The following CHEK2 variants were observed in gnomAD, a reference collection of about 807,000 sequenced individuals.
The protein encoded by CHEK2 is checkpoint kinase 2.
CHEK2 carries 71 observed loss-of-function variants against 69.1 expected under a neutral mutation model. The ratio of observed to expected loss-of-function variants is 1.03; its 90% CI spans 0.85 to 1.25. CHEK2 has a LOEUF of 1.25. CHEK2 is among the 50% of genes most tolerant of loss of function. The probability of loss-of-function intolerance (pLI) is 0.00; values close to 1 mark genes in which losing one functional copy is unlikely to be tolerated. For synonymous variants in CHEK2, 189 were observed against 226.9 expected (o/e 0.83, Z 1.50); for missense variants, 664 against 649.6 (o/e 1.02, Z -0.24).
At chr22:28,696,117 T>C (rs1665602667) in intron 10 of CHEK2, among the ~76,000 whole-genome samples, 1 of 152,182 alleles carries the variant, frequency 6.6e-6, no homozygotes, top group South Asian at 2.1e-4. Flanking sequence ...CTATGTCCTC[T>C]GTAATCTTAC....
chr22:28,695,539 C>T (rs1029278610), intron 11 of CHEK2, among the ~76,000 whole-genome samples, 171 bp downstream of exon 11: 1 of 152,024 alleles, frequency 6.6e-6, no homozygotes, highest in African/African-American at 2.4e-5. Flanking sequence ...CATCTGTAGT[C>T]CCAGCTACTC....
intron 7 of CHEK2, among the ~76,000 whole-genome samples, chr22:28,707,376 C>T (rs2053191474): frequency 6.6e-6 from 1 of 152,140 alleles, no homozygotes; most frequent in Admixed American, 6.6e-5. Context: ...GCTGAGGAAA[C>T]GGGGGCTCCA....
intron 5 of CHEK2, among the ~76,000 whole-genome samples, chr22:28,717,720 CA>C (rs1245849227): frequency 6.6e-6 from 1 of 151,382 alleles, no homozygotes; most frequent in Non-Finnish European, 1.5e-5. Context: ...ACTAAAAATA[CA>C]AAAAAATTAG....
chr22:28,704,123 C>G (rs1601755259), intron 7 of CHEK2, among the ~76,000 whole-genome samples: 1 of 2,930 alleles, frequency 3.4e-4, no homozygotes, highest in African/African-American at 6.2e-4. Flanking sequence ...GACAGACAGA[C>G]ACACACACAC....
chr22:28,729,540 C>CAAAAAAAAAAAAAAAAAAAAAAAAAAAAA (rs58149342), intron 2 of CHEK2, among the ~76,000 whole-genome samples: 1 of 83,090 alleles, frequency 1.2e-5, no homozygotes, highest in Non-Finnish European at 2.2e-5. Context: ...GACTCCATCT[C>CAAAAAAAAAAAAAAAAAAAAAAAAAAAAA]AAAAAAAAAA....
intron 12 of CHEK2, 116 bp from the exon 13 acceptor site, chr22:28,694,233 G>A (rs1047323871): frequency 4.0e-6 from 3 of 753,682 alleles, no homozygotes; most frequent in African/African-American, 3.4e-5. Flanking sequence ...AGATCATCAC[G>A]GAGTCAGCAG....
chr22:28,689,336 T>C, intron 13 of CHEK2, 121 bp from the exon 14 acceptor site: 3 of 782,066 alleles, frequency 3.8e-6, no homozygotes, highest in African/African-American at 1.7e-5. Flanking sequence ...AATCATCCCC[T>C]TGATGAAGCT....
intron 1 of CHEK2, among the ~76,000 whole-genome samples, chr22:28,735,877 T>C (rs1358107529): frequency 6.6e-6 from 1 of 150,784 alleles, no homozygotes; most frequent in South Asian, 2.1e-4. Flanking sequence ...AGTGAAACCC[T>C]GTCTCAAAAA....
chr22:28,709,526 T>C (rs1026538214), intron 7 of CHEK2, among the ~76,000 whole-genome samples: 1 of 152,236 alleles, frequency 6.6e-6, no homozygotes, highest in African/African-American at 2.4e-5. Context: ...GGGGTAAAAC[T>C]CTTCCCAGCT....
chr22:28,712,791 T>C (rs1297480851), intron 5 of CHEK2, among the ~76,000 whole-genome samples: 1 of 152,238 alleles, frequency 6.6e-6, no homozygotes, highest in Non-Finnish European at 1.5e-5. Flanking sequence ...CCAAGACATC[T>C]TTTTTATTGT....
chr22:28,700,947 G>A (rs2052818504), intron 8 of CHEK2, among the ~76,000 whole-genome samples: 1 of 151,892 alleles, frequency 6.6e-6, no homozygotes, highest in Admixed American at 6.6e-5. Flanking sequence ...TCACCATCAT[G>A]CCCGGCTAAT....
chr22:28,739,455 G>A (rs780688106), intron 1 of CHEK2, among the ~76,000 whole-genome samples: 1 of 151,600 alleles, frequency 6.6e-6, no homozygotes, highest in Non-Finnish European at 1.5e-5. Flanking sequence ...TTTGGGAGGC[G>A]GAGGCGGGCA....
At position 28,725,362 on chromosome 22, in the gene CHEK2, C is replaced by T. The variant is rs1569159114; in HGVS notation, c.325G>A (p.Val109Met). ...LQDGFANLECVNDNYWFGRDK... is the reference protein window; with the variant it reads ...LQDGFANLECMNDNYWFGRDK... The stretch of plus-strand genomic sequence containing the variant: ...CTCCCAAACCAGTAGTTGTCATTCA[C>T]ACATTCTGTAATATAAAAGCATGCA... Residue 109 changes from valine to methionine, a missense_variant, in exon 3 of 15, where the codon GTG becomes ATG. By Grantham distance (21) the Val-to-Met change is conservative (BLOSUM62 1). Transcript: ENST00000404276. The T allele has an allele frequency of 6.2e-7, 1 of 1,613,968 alleles. No homozygotes were observed. The highest frequency in any genetic ancestry group is 1.1e-5 in the South Asian group (1 of 91,088).
intron 7 of CHEK2, among the ~76,000 whole-genome samples, chr22:28,709,250 A>G (rs192735298): frequency 6.6e-6 from 1 of 152,324 alleles, no homozygotes; most frequent in Admixed American, 6.5e-5. Flanking sequence ...TTAATCAGAT[A>G]TAAGGACAGG....
intron 4 of CHEK2, chr22:28,721,627 T>A (rs1443304928): frequency 2.2e-6 from 1 of 462,602 alleles, no homozygotes; most frequent in African/African-American, 2.0e-5. Flanking sequence ...TTTTAAGTAT[T>A]TTCTCTATTA....
At chr22:28,737,414 G>C in intron 1 of CHEK2, 1 of 375,976 alleles carries the variant, frequency 2.7e-6, no homozygotes, top group Non-Finnish European at 5.4e-6. Context: ...TAAATATAAG[G>C]GTGACATGAA....
chr22:28,706,691 G>A (rs1029710287), intron 7 of CHEK2, among the ~76,000 whole-genome samples: 3 of 152,128 alleles, frequency 2.0e-5, no homozygotes, highest in African/African-American at 7.2e-5. Context: ...GGCCAAGGCA[G>A]GCAGATCACC....
intron 7 of CHEK2, among the ~76,000 whole-genome samples, chr22:28,707,932 G>C (rs1199119528): frequency 6.6e-6 from 1 of 150,814 alleles, no homozygotes; most frequent in South Asian, 2.1e-4. Flanking sequence ...CGCCTCCCGG[G>C]TTCACGCCAT....
At chr22:28,710,158 T>C (rs1462741973) in intron 6 of CHEK2, 99 bp from the exon 7 acceptor site, 5 of 770,028 alleles carry the variant, frequency 6.5e-6, no homozygotes, top group African/African-American at 1.8e-5. Context: ...GCTGCCTGAG[T>C]TCCAAACCCA....
Sources: allele counts gnomAD v4.1 joint callset (sites outside exome capture counted in the v4.1 genomes callset), GRCh38; gene constraint gnomAD v4.1.1; transcripts MANE v1.5; gene names NCBI Gene and HGNC (gene_info 2026-07-23, HGNC 2026-07-21).